The following KLHL36 variants were observed in gnomAD, a reference collection of about 807,000 sequenced individuals.
KLHL36 encodes the protein kelch-like protein 36.
KLHL36 carries 35 observed loss-of-function variants against 53.3 expected under a neutral mutation model. The ratio of observed to expected loss-of-function variants is 0.66; its 90% CI spans 0.50 to 0.87. The LOEUF (loss-of-function observed/expected upper bound fraction) is 0.87. KLHL36 is among the 40% of genes least tolerant of loss of function. The probability of loss-of-function intolerance (pLI) is 0.00; values close to 1 mark genes in which losing one functional copy is unlikely to be tolerated. For synonymous variants in KLHL36, 472 were observed against 398.9 expected, an observed-to-expected ratio of 1.18 and a Z score of -2.18; for missense variants, 864 against 897.6, an observed-to-expected ratio of 0.96 and a Z score of 0.48.
chr16:84,649,057 C>T (rs897741485), intron 1 of KLHL36: 32 of 152,258 alleles, frequency 2.1e-4, no homozygotes, highest in African/African-American at 7.7e-4. Flanking sequence ...TCGCTTTCTC[C>T]AACGCTGAGG....
At chr16:84,658,150 T>G (rs1255592170) in intron 3 of KLHL36, 1 of 485,970 alleles carries the variant, frequency 2.1e-6, no homozygotes, top group African/African-American at 2.0e-5. Flanking sequence ...GAGGGGTCCG[T>G]CATCGTTCAG....
chr16:84,650,266 C>A (rs1045492028), intron 1 of KLHL36, among the ~76,000 whole-genome samples: 5 of 152,064 alleles, frequency 3.3e-5, no homozygotes, highest in Admixed American at 6.6e-5. Context: ...ATCACTGTAC[C>A]ACATCCTCAT....
At chr16:84,649,439 C>T (rs928937168) in intron 1 of KLHL36, 1 of 152,196 alleles carries the variant, frequency 6.6e-6, no homozygotes, top group Non-Finnish European at 1.5e-5. Context: ...CCTTGGGCAA[C>T]CCCCCCTGGG....
At chr16:84,649,102 A>T (rs1011987921) in intron 1 of KLHL36, 1 of 152,180 alleles carries the variant, frequency 6.6e-6, no homozygotes, top group African/African-American at 2.4e-5. Flanking sequence ...CGCTCTGGGA[A>T]ACCCCCGGCC....
chr16:84,662,273 A>T lies in KLHL36; in HGVS notation c.*140A>T. On this transcript the variant is annotated 3_prime_UTR_variant, in exon 5 of 5. Coordinates refer to ENST00000564996, the MANE Select transcript of KLHL36 (RefSeq NM_024731.4). Reference sequence around the variant, plus strand: ...TTTTATGATTCTTGGTATTTCTATGATATCACAGTAACCAATTAAATACTA... The same window carrying T: ...TTTTATGATTCTTGGTATTTCTATGTTATCACAGTAACCAATTAAATACTA... The T allele has an allele frequency of 1.3e-6, 1 of 753,548 alleles. No individual in the cohort carries two copies. The highest frequency in any genetic ancestry group is 2.1e-6 in the Non-Finnish European group (1 of 480,838). 46.7% of individuals were successfully genotyped at this position (753,548 alleles called of 1,614,324 possible). A position where few individuals can be genotyped will look rare whatever the true frequency, so the allele number is the denominator to read the frequency against.
chr16:84,661,372 A>ATTGCAAAG lies in KLHL36; in HGVS notation c.1296-206_1296-205insTTGCAAAG. ...GCTGGGTTCTGGCCCAGGCGGCCTGACTGCAAAGCTGTCCACTTCCCCGCC... is the reference window on the plus strand; with the variant it reads ...GCTGGGTTCTGGCCCAGGCGGCCTGATTGCAAAGCTGCAAAGCTGTCCACTTCCCCGCC... On this transcript the variant is annotated intron_variant, in intron 4 of 4. Coordinates refer to ENST00000564996, the MANE Select transcript of KLHL36 (RefSeq NM_024731.4). The surrounding 1 kb of genome is among the most constrained non-coding windows in gnomAD (Gnocchi z 7.9). 6.6e-6 allele frequency among the ~76,000 whole-genome samples: 1 copy of ATTGCAAAG among 152,272 alleles called. No homozygotes were observed. Among genetic ancestry groups the ATTGCAAAG allele is most frequent in the East Asian group, 1.9e-4 (1 of 5,184 alleles).
chr16:84,662,158 T>C lies in KLHL36; in HGVS notation c.*25T>C. The C allele has an allele frequency of 1.3e-6, 2 of 1,481,528 alleles. No homozygotes were observed. Among genetic ancestry groups the C allele is most frequent in the South Asian group, 1.3e-5 (1 of 77,274 alleles). 91.8% of individuals were successfully genotyped at this position (1,481,528 alleles called of 1,614,324 possible). A position where few individuals can be genotyped will look rare whatever the true frequency, so the allele number is the denominator to read the frequency against. ...ACCCTAGCTGCGCCTCTTGGGACCA[T>C]CCTCACCGTCACCTCCCAGGGCTCT... On this transcript the variant is annotated 3_prime_UTR_variant, in exon 5 of 5. Coordinates refer to ENST00000564996, the MANE Select transcript of KLHL36 (RefSeq NM_024731.4).
chr16:84,658,924 C>T (rs1026237359), intron 3 of KLHL36: 4 of 152,110 alleles, frequency 2.6e-5, no homozygotes, highest in Admixed American at 2.0e-4. Context: ...AGCCTCCTCC[C>T]GAAGCCTGGC....
rs1907567392 is a variant in KLHL36, at chr16:84,661,794, CATCGA to C, written c.1513_1517del (p.Ile505ValfsTer145). ...ACTCCATCGGGGGCAGCGATGACAA[CATCGA>C]GTCCATGGAGCGCTTCGACGTGCTG... On this transcript the variant is annotated frameshift_variant, in exon 5 of 5. Transcript: ENST00000564996. LOFTEE classifies it high-confidence loss of function. This position sits in a 1 kb window ranked among gnomAD's most constrained non-coding sequence, Gnocchi z 7.9. 6.2e-7 allele frequency: 1 copy of C among 1,612,066 alleles called. No individual in the cohort carries two copies. Among genetic ancestry groups the C allele is most frequent in the African/African-American group, 1.3e-5 (1 of 74,896 alleles).
chr16:84,660,046 A>G (rs371148041), intron 4 of KLHL36, 129 bp downstream of exon 4: 2 of 948,584 alleles, frequency 2.1e-6, no homozygotes, highest in African/African-American at 1.6e-5. Context: ...GCTTGTCAGG[A>G]AGAGTGGGTA....
At chr16:84,652,146 A>G (rs1286929415) in intron 2 of KLHL36, among the ~76,000 whole-genome samples, 1 of 152,184 alleles carries the variant, frequency 6.6e-6, no homozygotes, top group Non-Finnish European at 1.5e-5. Context: ...AGCTTGGGAG[A>G]CACTGCTGCT....
Position 84,666,324 on chromosome 16 carries a change from C to G in KLHL36, c.*4191C>G, listed in dbSNP as rs929343419. Reference sequence around the variant, plus strand: ...AGGACCTCGCCTCATGTGGCTTTGTCTTGGATCTTGCCCTTCTCCATCGCT... The same window carrying G: ...AGGACCTCGCCTCATGTGGCTTTGTGTTGGATCTTGCCCTTCTCCATCGCT... On this transcript the variant is annotated 3_prime_UTR_variant, in exon 5 of 5. Transcript: ENST00000564996. 1.3e-5 allele frequency: 2 copies of G among 152,166 alleles called. No homozygotes were observed. Among genetic ancestry groups the G allele is most frequent in the Admixed American group, 1.3e-4 (2 of 15,272 alleles). 9.4% of individuals were successfully genotyped at this position (152,166 alleles called of 1,614,324 possible). A position where few individuals can be genotyped will look rare whatever the true frequency, so the allele number is the denominator to read the frequency against.
intron 3 of KLHL36, chr16:84,659,155 C>T (rs1907396699): frequency 6.6e-6 from 1 of 152,208 alleles, no homozygotes; most frequent in African/African-American, 2.4e-5. Flanking sequence ...GCGCCTGCCA[C>T]CACGCCCGGC....
intron 2 of KLHL36, among the ~76,000 whole-genome samples, chr16:84,654,132 G>A (rs867614141): frequency 6.6e-6 from 1 of 152,160 alleles, no homozygotes. Flanking sequence ...GTGTATCTCC[G>A]TCTAAGCATG....
chr16:84,655,893 C>CATTT (rs967221116), intron 2 of KLHL36, among the ~76,000 whole-genome samples: 2 of 151,414 alleles, frequency 1.3e-5, no homozygotes, highest in African/African-American at 4.9e-5. Context: ...ATGTTGAATT[C>CATTT]ATTTATTTAT....
rs183646482 is a variant in KLHL36 at position 84,662,314 on chromosome 16, A to C, written c.*181A>C. On this transcript the variant is annotated 3_prime_UTR_variant, in exon 5 of 5. Coordinates refer to ENST00000564996, the MANE Select transcript of KLHL36 (RefSeq NM_024731.4). ...TTAAATACTATCTGTAACTTTACAT[A>C]TCTTGCTTGAATAACTAACCCTGGG... is the stretch of plus-strand genomic sequence containing the variant. 178 of 606,938 alleles carry C rather than the reference A, an allele frequency of 2.9e-4. No homozygotes were observed. In the African/African-American group the frequency reaches 3.0e-3, roughly 10 times the overall value. 37.6% of individuals were successfully genotyped at this position (606,938 alleles called of 1,614,324 possible).
At chr16:84,660,023 A>G (rs565956771) in intron 4 of KLHL36, 106 bp downstream of exon 4, 5 of 1,137,874 alleles carry the variant, frequency 4.4e-6, no homozygotes, top group South Asian at 1.5e-5. Flanking sequence ...AATTCCAGGA[A>G]TGAAATCTTC....
rs777027054 is a variant in KLHL36 at position 84,657,847 on chromosome 16, T to C, written c.1040T>C (p.Ile347Thr). Residue 347 changes from isoleucine to threonine, a missense_variant, in exon 3 of 5, where the codon ATC (isoleucine) becomes ACC (threonine). Transcript: ENST00000564996. The stretch of plus-strand genomic sequence containing the variant: ...TGTGTCGCGGTGCTGGGGGGCTTCA[T>C]CTTCATCGCCGGCGGCAGCTTCTCA... ...HHCVAVLGGF[I>T]FIAGGSFSRD... The C allele has an allele frequency of 1.6e-5, 25 of 1,596,018 alleles. No homozygotes were observed. The highest frequency in any genetic ancestry group is 1.7e-6 in the Non-Finnish European group (2 of 1,168,774).
intron 1 of KLHL36, among the ~76,000 whole-genome samples, chr16:84,649,757 A>C (rs1168770084): frequency 6.6e-6 from 1 of 152,164 alleles, no homozygotes; most frequent in Non-Finnish European, 1.5e-5. Context: ...CCAGTTATCT[A>C]AGAACAGTGC....
Sources: allele counts gnomAD v4.1 joint callset (sites outside exome capture counted in the v4.1 genomes callset), GRCh38; gene constraint gnomAD v4.1.1; non-coding constraint Gnocchi (gnomAD v3.1); transcripts MANE v1.5; gene names NCBI Gene and HGNC (gene_info 2026-07-23, HGNC 2026-07-21).